Variants in SLC6A13 observed in about 807,000 individuals in gnomAD.
SLC6A13 encodes solute carrier family 6 member 13.
In SLC6A13, 69 loss-of-function variants were observed where a neutral mutation model predicts 72.9. The observed-to-expected ratio is 0.95, with a 90% CI of 0.78 to 1.16. The LOEUF (loss-of-function observed/expected upper bound fraction) is 1.16. Among genes scored for constraint, SLC6A13 ranks in the 50% most tolerant of loss-of-function variants. The probability of loss-of-function intolerance (pLI) is 0.00; values close to 1 mark genes in which losing one functional copy is unlikely to be tolerated. For missense variants in SLC6A13, 735 were observed against 760.5 expected (o/e 0.97, Z 0.39); for synonymous variants, 303 against 303.0 (o/e 1.00, Z 0.00).
chr12:223,941 C>A, intron 11 of SLC6A13, 51 bp downstream of exon 11: 3 of 1,605,742 alleles, frequency 1.9e-6, no homozygotes, highest in Non-Finnish European at 2.6e-6. Context: ...CAGGTAGCAG[C>A]TGTCACTTGG....
intron 2 of SLC6A13, among the ~76,000 whole-genome samples, chr12:245,452 T>C (rs1275382072): frequency 6.6e-6 from 1 of 150,512 alleles, no homozygotes; most frequent in Non-Finnish European, 1.5e-5. Context: ...GAGGCTGAGG[T>C]GGACAGATCA....
At chr12:227,989 G>A (rs1941538905) in intron 7 of SLC6A13, among the ~76,000 whole-genome samples, 1 of 152,116 alleles carries the variant, frequency 6.6e-6, no homozygotes, top group Non-Finnish European at 1.5e-5. Flanking sequence ...CTCCTGTCAG[G>A]TTTTTGATCC....
rs1488436998 is a variant in SLC6A13 at position 243,704 on chromosome 12, C to G, written c.312G>C (p.Trp104Cys). The G allele has an allele frequency of 6.2e-7, 1 of 1,614,158 alleles. No homozygotes were observed. Reference protein sequence around the residue: ...QYTSQGGVTAWRKICPIFEGI... With the variant: ...QYTSQGGVTACRKICPIFEGI... Reference sequence around the variant, plus strand: ...CCTCAAAGATGGGGCAGATCTTCCTCCAGGCTGTGACGCCTCCCTGGCTAG... The same window carrying G: ...CCTCAAAGATGGGGCAGATCTTCCTGCAGGCTGTGACGCCTCCCTGGCTAG... The change falls in exon 3 of 15, where the codon TGG becomes TGC. Residue 104 changes from tryptophan (W) to cysteine (C), a missense_variant. By Grantham distance (215) the Trp-to-Cys change is radical. Transcript: ENST00000343164.
At chr12:224,951 G>A (rs959344714) in intron 9 of SLC6A13, among the ~76,000 whole-genome samples, 4 of 152,210 alleles carry the variant, frequency 2.6e-5, no homozygotes, top group East Asian at 1.9e-4. Context: ...GCGATGTTCC[G>A]TTGTATTTGT....
At position 242,870 on chromosome 12, in the gene SLC6A13, T is replaced by C. The variant is rs147742669; in HGVS notation, c.338-116A>G. On this transcript the variant is annotated intron_variant, in intron 3 of 14. Coordinates refer to ENST00000343164, the MANE Select transcript of SLC6A13 (RefSeq NM_016615.5). ...GATTGTCTGAGGCTGGGAGTTCAAT[T>C]TACCATTGAGGGAAACTGCTATTTT... 3.2e-3 allele frequency: 2,688 copies of C among 851,324 alleles called. 82 individuals are homozygous for C. In the East Asian group the frequency reaches 0.066, roughly 21 times the overall value. 52.7% of individuals were successfully genotyped at this position (851,324 alleles called of 1,614,324 possible).
intron 8 of SLC6A13, chr12:226,835 C>A (rs1355574351): frequency 1.7e-5 from 4 of 237,248 alleles, no homozygotes; most frequent in Middle Eastern, 1.4e-3. Flanking sequence ...TAGGTCCACA[C>A]CGCATGGGAC....
At chr12:228,018 T>G (rs1223645599) in intron 7 of SLC6A13, among the ~76,000 whole-genome samples, 2 of 152,098 alleles carry the variant, frequency 1.3e-5, no homozygotes, top group Admixed American at 6.5e-5. Context: ...GCCCCCACTC[T>G]CTCCTATGAC....
Position 242,432 on chromosome 12 carries a change from A to G in SLC6A13, c.478+182T>C, listed in dbSNP as rs546755515. The stretch of plus-strand genomic sequence containing the variant: ...GAATATGTTAATTTTTTCTTTAAAA[A>G]GTTCCTGACATTTGCCTGTGACGCT... On this transcript the variant is annotated intron_variant, in intron 4 of 14. Transcript: ENST00000343164. Among the ~76,000 whole-genome samples the G allele has an allele frequency of 2.6e-5, 4 of 152,396 alleles. No individual in the cohort carries two copies. The South Asian group carries it at 8.3e-4, about 32-fold the overall frequency.
rs562864596 is a variant in SLC6A13 at position 234,622 on chromosome 12, A to T, written c.831+468T>A. 1.2e-3 allele frequency among the ~76,000 whole-genome samples: 186 copies of T among 152,086 alleles called. 1 individual carries two copies. Among genetic ancestry groups the T allele is most frequent in the Non-Finnish European group, 1.1e-3 (74 of 67,990 alleles). ...AACCTTCGCCTCCTGGGTTCATGCC[A>T]TTCTCCTGCCTCAGCCTCCTGAGTA... is the stretch of plus-strand genomic sequence containing the variant. On this transcript the variant is annotated intron_variant, in intron 7 of 14. Transcript: ENST00000343164.
At chr12:244,207 T>C (rs572909903) in intron 2 of SLC6A13, among the ~76,000 whole-genome samples, 27 of 152,342 alleles carry the variant, frequency 1.8e-4, no homozygotes, top group Admixed American at 5.2e-4. Flanking sequence ...GGTAGTCTTT[T>C]AGTAAGCTGA....
intron 10 of SLC6A13, 55 bp downstream of exon 10, chr12:224,346 C>A: frequency 6.7e-7 from 1 of 1,503,754 alleles, no homozygotes; most frequent in South Asian, 1.1e-5. Flanking sequence ...CTCCTCCTCC[C>A]CAGCACACAC....
Position 220,954 on chromosome 12 carries a change from G to A in SLC6A13, c.1803C>T (p.His601=). Reference sequence around the variant, plus strand: ...CCATCCAAGGGCCTGCCCCCTAGCAGTGAGACTCTAGCTCTGTGAGTCTGA... The same window carrying A: ...CCATCCAAGGGCCTGCCCCCTAGCAATGAGACTCTAGCTCTGTGAGTCTGA... ...SLLRLTELES[H]C is the part of the protein sequence containing the mutation. Residue 601 remains histidine, a synonymous_variant, in exon 15 of 15, where the codon CAC becomes CAT. Transcript: ENST00000343164. The A allele has an allele frequency of 1.2e-6, 2 of 1,612,686 alleles. No homozygotes were observed. The highest frequency in any genetic ancestry group is 1.7e-6 in the Non-Finnish European group (2 of 1,179,938).
Position 227,655 on chromosome 12 carries a change from G to A in SLC6A13, c.845C>T (p.Ala282Val). 1 of 1,609,038 alleles carries A rather than the reference G, an allele frequency of 6.2e-7. No individual in the cohort carries two copies. Among genetic ancestry groups the A allele is most frequent in the Non-Finnish European group, 8.5e-7 (1 of 1,177,166 alleles). The change falls in exon 8 of 15, where the codon GCA (alanine) becomes GTA (valine). Residue 282 changes from alanine (A) to valine (V), a missense_variant. Ala to Val is a moderately conservative substitution (Grantham distance 64). Coordinates refer to ENST00000343164, the MANE Select transcript of SLC6A13 (RefSeq NM_016615.5). ...GAAGGAGAAGAATATCTGGGTGCCT[G>A]CATCCATCCACACCTACAAAGGGGA... The part of the protein sequence containing the change: ...RLWDPQVWMD[A>V]GTQIFFSFAI...
At chr12:238,296 C>T (rs1376205807) in intron 4 of SLC6A13, 1 of 1,413,404 alleles carries the variant, frequency 7.1e-7, no homozygotes, top group African/African-American at 1.4e-5. Context: ...TCAGCTGCTT[C>T]AAGGCATGCT....
At chr12:242,109 G>A (rs1942187330) in intron 4 of SLC6A13, among the ~76,000 whole-genome samples, 2 of 152,184 alleles carry the variant, frequency 1.3e-5, no homozygotes, top group African/African-American at 4.8e-5. Context: ...GTTTCTCAGA[G>A]TGTACCCTTG....
chr12:220,914 C>T lies in SLC6A13; in HGVS notation c.*34G>A. 6.2e-7 allele frequency: 1 copy of T among 1,608,898 alleles called. No homozygotes were observed. Among genetic ancestry groups the T allele is most frequent in the Non-Finnish European group, 8.5e-7 (1 of 1,179,508 alleles). ...GTTCCCTCCACAGCCATCCCCAAGG[C>T]CAGGCACACAGGCACCATCCAAGGG... is the stretch of plus-strand genomic sequence containing the variant. On this transcript the variant is annotated 3_prime_UTR_variant, in exon 15 of 15. Coordinates refer to ENST00000343164, the MANE Select transcript of SLC6A13 (RefSeq NM_016615.5).
At chr12:249,387 T>TA (rs1246219235) in intron 2 of SLC6A13, among the ~76,000 whole-genome samples, 4 of 152,082 alleles carry the variant, frequency 2.6e-5, no homozygotes, top group African/African-American at 9.7e-5. Context: ...TTTGAGATAA[T>TA]AAAATTGATA....
chr12:237,161 G>T lies in SLC6A13; in HGVS notation c.693C>A (p.Gly231=). The T allele has an allele frequency of 6.2e-7, 1 of 1,614,002 alleles. No homozygotes were observed. Reference sequence around the variant, plus strand: ...GGCAGGAGCTCCCCACACGAACCTTGCCTGTGGACTTCACCCCCTTCCAGA... The same window carrying T: ...GGCAGGAGCTCCCCACACGAACCTTTCCTGTGGACTTCACCCCCTTCCAGA... ...FCIWKGVKST[G]KVVYFTATFP... The change falls in exon 6 of 15, where the codon GGC becomes GGA. Residue 231 remains glycine, a synonymous_variant. Transcript: ENST00000343164.
chr12:260,128 A>C (rs1403623491), intron 1 of SLC6A13, 71 bp from the exon 2 acceptor site: 1 of 1,511,152 alleles, frequency 6.6e-7, no homozygotes, highest in African/African-American at 1.4e-5. Flanking sequence ...TGCTTTTACC[A>C]ACAAATCCAT....
Sources: gnomAD v4.1 joint callset for allele counts (sites outside exome capture counted in the v4.1 genomes callset) on GRCh38, gnomAD v4.1.1 for gene constraint, MANE v1.5 for transcripts, NCBI Gene and HGNC (gene_info 2026-07-23, HGNC 2026-07-21) for gene names.